The following RAB8B variants were observed in gnomAD, a reference collection of about 807,000 sequenced individuals.
RAB8B encodes RAB8B, member RAS oncogene family.
In RAB8B, 11 loss-of-function variants were observed where a neutral mutation model predicts 32.0. The observed-to-expected ratio is 0.34, with a 90% CI of 0.22 to 0.57. The LOEUF (loss-of-function observed/expected upper bound fraction) is 0.57. Among genes scored for constraint, RAB8B ranks in the 20% least tolerant of loss-of-function variants. RAB8B has a pLI of 0.86. For missense variants in RAB8B, 190 were observed against 258.5 expected, an observed-to-expected ratio of 0.73 and a Z score of 1.82; for synonymous variants, 103 against 89.6, an observed-to-expected ratio of 1.15 and a Z score of -0.85.
At chr15:63,236,039 T>C (rs1229673633) in intron 1 of RAB8B, among the ~76,000 whole-genome samples, 1 of 152,228 alleles carries the variant, frequency 6.6e-6, no homozygotes, top group Non-Finnish European at 1.5e-5. Flanking sequence ...CCTTTTTTTA[T>C]TGGTCTTCGT....
chr15:63,233,233 ATT>A (rs998034694), intron 1 of RAB8B, among the ~76,000 whole-genome samples: 4 of 142,956 alleles, frequency 2.8e-5, no homozygotes, highest in Non-Finnish European at 4.6e-5. Context: ...CTAATTTTTA[ATT>A]TTTTTTTTTT....
At chr15:63,224,583 T>C (rs2037873399) in intron 1 of RAB8B, among the ~76,000 whole-genome samples, 1 of 152,194 alleles carries the variant, frequency 6.6e-6, no homozygotes, top group African/African-American at 2.4e-5. Flanking sequence ...GATGGGGTCT[T>C]CTCTAGTTTG....
rs143059455 is a variant in RAB8B, at chr15:63,251,349, C to T, written c.246+1644C>T. The T allele has an allele frequency of 1.7e-3, 781 of 455,430 alleles. 4 individuals carry two copies. The highest frequency in any genetic ancestry group is 0.012 in the African/African-American group (622 of 50,116). 28.2% of individuals were successfully genotyped at this position (455,430 alleles called of 1,614,324 possible). A position where few individuals can be genotyped will look rare whatever the true frequency, so the allele number is the denominator to read the frequency against. On this transcript the variant is annotated intron_variant, in intron 3 of 7. Coordinates refer to ENST00000321437, the MANE Select transcript of RAB8B (RefSeq NM_016530.3). ...GATTTGGAATAGTTTACAGGTAATT[C>T]TGATTAGAGGCATCTTAGACACACA...
chr15:63,221,692 TCTC>T (rs918021133), intron 1 of RAB8B, among the ~76,000 whole-genome samples: 3 of 152,172 alleles, frequency 2.0e-5, no homozygotes, highest in Non-Finnish European at 2.9e-5. Flanking sequence ...TGAATGGACT[TCTC>T]CTTCAGGACC....
intron 5 of RAB8B, among the ~76,000 whole-genome samples, chr15:63,258,304 G>C (rs1485917608): frequency 1.3e-5 from 2 of 151,974 alleles, no homozygotes; most frequent in Admixed American, 6.6e-5. Context: ...GTTTCACCAT[G>C]CTGGCCAGGC....
chr15:63,249,924 C>T (rs2038101837), intron 3 of RAB8B, among the ~76,000 whole-genome samples: 1 of 152,004 alleles, frequency 6.6e-6, no homozygotes, highest in Non-Finnish European at 1.5e-5. Flanking sequence ...ATCATGAGGT[C>T]AGGAGATCGA....
chr15:63,216,820 G>C lies in RAB8B; in HGVS notation c.124+27072G>C, dbSNP rs191264452. ...GGTTGCAGTGAGCTGAGATCATGCC[G>C]CTGCACTCCAGCCTGGGTGACAGAG... is the stretch of plus-strand genomic sequence containing the variant. On this transcript the variant is annotated intron_variant, in intron 1 of 7. Coordinates refer to ENST00000321437, the MANE Select transcript of RAB8B (RefSeq NM_016530.3). Among the ~76,000 whole-genome samples the C allele has an allele frequency of 5.4e-3, 807 of 148,378 alleles. 7 individuals carry two copies. Among genetic ancestry groups the C allele is most frequent in the African/African-American group, 0.018 (718 of 39,992 alleles).
chr15:63,231,545 C>T (rs1475821388), intron 1 of RAB8B, among the ~76,000 whole-genome samples: 1 of 150,244 alleles, frequency 6.7e-6, no homozygotes, highest in Non-Finnish European at 1.5e-5. Flanking sequence ...AGAGTATTCA[C>T]CTCACCCTTA....
At position 63,244,667 on chromosome 15, in the gene RAB8B, C is replaced by CT; in HGVS notation, c.125-82dup. The CT allele has an allele frequency of 2.8e-6, 3 of 1,065,468 alleles. No homozygotes were observed. The South Asian group carries it at 4.3e-5, about 15-fold the overall frequency. 66.0% of individuals were successfully genotyped at this position (1,065,468 alleles called of 1,614,324 possible). On this transcript the variant is annotated intron_variant, in intron 1 of 7. Transcript: ENST00000321437. ...TCACATTTTCCAGTGCGTTGGAGAG[C>CT]TTTTTTTCAATAGAAATCTTTGTCC...
At chr15:63,231,098 C>A (rs2037933061) in intron 1 of RAB8B, among the ~76,000 whole-genome samples, 1 of 152,126 alleles carries the variant, frequency 6.6e-6, no homozygotes, top group Non-Finnish European at 1.5e-5. Flanking sequence ...TGGGAATTTT[C>A]CTGGAAAGTA....
intron 3 of RAB8B, among the ~76,000 whole-genome samples, chr15:63,251,991 G>A (rs889208142): frequency 5.9e-5 from 9 of 151,946 alleles, no homozygotes; most frequent in Non-Finnish European, 2.9e-5. Flanking sequence ...AGCATTCATA[G>A]GCATAGCAGT....
At chr15:63,238,245 G>T (rs74681630) in intron 1 of RAB8B, among the ~76,000 whole-genome samples, 5 of 150,958 alleles carry the variant, frequency 3.3e-5, no homozygotes, top group Admixed American at 1.3e-4. Context: ...AAAAAAAAAA[G>T]TTGCTCCCTT....
At position 63,213,033 on chromosome 15, in the gene RAB8B, C is replaced by A. The variant is rs113279874; in HGVS notation, c.124+23285C>A. Among the ~76,000 whole-genome samples the A allele has an allele frequency of 2.6e-3, 403 of 152,298 alleles. 1 individual carries two copies. The highest frequency in any genetic ancestry group is 4.0e-3 in the Non-Finnish European group (275 of 68,022). ...AAGCATGTTTTAGTGTCTAAGTCTT[C>A]CCTCCCTCCCTCTCTTCCTCCCTTC... On this transcript the variant is annotated intron_variant, in intron 1 of 7. Transcript: ENST00000321437.
chr15:63,210,129 G>T (rs1323488287), intron 1 of RAB8B, among the ~76,000 whole-genome samples: 5 of 152,368 alleles, frequency 3.3e-5, no homozygotes, highest in Non-Finnish European at 2.9e-5. Flanking sequence ...TGGTGGTGAA[G>T]TGGAGAAGTT....
chr15:63,231,448 T>A (rs890315023), intron 1 of RAB8B, among the ~76,000 whole-genome samples: 1 of 152,056 alleles, frequency 6.6e-6, no homozygotes, highest in Admixed American at 6.5e-5. Context: ...AATATGGTCT[T>A]CCCATAGCAA....
chr15:63,239,602 G>A (rs1415789253), intron 1 of RAB8B, among the ~76,000 whole-genome samples: 1 of 151,822 alleles, frequency 6.6e-6, no homozygotes, highest in Non-Finnish European at 1.5e-5. Flanking sequence ...GTAGAGTAGG[G>A]GTTTTGCCAT....
chr15:63,240,417 A>C (rs959457077), intron 1 of RAB8B, among the ~76,000 whole-genome samples: 1 of 152,126 alleles, frequency 6.6e-6, no homozygotes, highest in African/African-American at 2.4e-5. Context: ...GATCCTGTCA[A>C]CCTTTTTTTA....
intron 1 of RAB8B, among the ~76,000 whole-genome samples, chr15:63,235,315 CT>C (rs1188876209): frequency 6.6e-6 from 1 of 152,088 alleles, no homozygotes; most frequent in Non-Finnish European, 1.5e-5. Flanking sequence ...ATAGAGCCTG[CT>C]TTTCCCCTGA....
At chr15:63,203,202 G>A (rs2037667773) in intron 1 of RAB8B, among the ~76,000 whole-genome samples, 1 of 152,216 alleles carries the variant, frequency 6.6e-6, no homozygotes, top group African/African-American at 2.4e-5. Flanking sequence ...TAGATACACT[G>A]TAAAGTCTCT....
Sources: gnomAD v4.1 joint callset for allele counts (sites outside exome capture counted in the v4.1 genomes callset) on GRCh38, gnomAD v4.1.1 for gene constraint, MANE v1.5 for transcripts, NCBI Gene and HGNC (gene_info 2026-07-23, HGNC 2026-07-21) for gene names.